Variants in STAB2 observed in about 807,000 individuals in gnomAD.
STAB2 encodes stabilin 2.
A neutral mutation model predicts 338.1 loss-of-function variants in STAB2; 288 were observed. The observed-to-expected ratio is 0.85, with a 90% CI of 0.77 to 0.94. The LOEUF is 0.94. Ranked by LOEUF, STAB2 falls within the 40% of genes least tolerant of loss-of-function variation. The pLI is 0.00. For synonymous variants in STAB2, 1,202 were observed against 1,193.3 expected (o/e 1.01, Z -0.15); for missense variants, 3,141 against 3,210.1 (o/e 0.98, Z 0.52).
Position 103,737,623 on chromosome 12 carries a change from T to TATTTA in STAB2, c.5551-11_5551-10insATTTA. Reference sequence around the variant, plus strand: ...CTCTTTCTCTTTTTTTTTTTTTTTTTTCTTTCTTAGGGTGACCTCTTTCTG... The same window carrying TATTTA: ...CTCTTTCTCTTTTTTTTTTTTTTTTTATTTATCTTTCTTAGGGTGACCTCTTTCTG... On this transcript the variant is annotated splice_polypyrimidine_tract_variant and intron_variant, in intron 52 of 68. Transcript: ENST00000388887. 4 of 1,460,478 alleles carry TATTTA rather than the reference T, an allele frequency of 2.7e-6. No homozygotes were observed. Among genetic ancestry groups the TATTTA allele is most frequent in the Non-Finnish European group, 3.6e-6 (4 of 1,109,562 alleles). 90.5% of individuals were successfully genotyped at this position (1,460,478 alleles called of 1,614,324 possible). A position where few individuals can be genotyped will look rare whatever the true frequency, so the allele number is the denominator to read the frequency against.
At chr12:103,668,838 T>C (rs1400985229) in intron 20 of STAB2, 109 bp downstream of exon 20, 7 of 945,140 alleles carry the variant, frequency 7.4e-6, no homozygotes, top group African/African-American at 3.3e-5. Flanking sequence ...CCGTGCTTGC[T>C]GTTGTCTTCC....
At chr12:103,654,342 C>T (rs1356399870) in intron 12 of STAB2, among the ~76,000 whole-genome samples, 1 of 152,210 alleles carries the variant, frequency 6.6e-6, no homozygotes, top group Non-Finnish European at 1.5e-5. Flanking sequence ...GTTGTCAGTG[C>T]TTTCACACAT....
intron 30 of STAB2, among the ~76,000 whole-genome samples, chr12:103,692,597 C>CTGTG (rs36051361): frequency 1.3e-5 from 2 of 150,828 alleles, no homozygotes; most frequent in Admixed American, 6.6e-5. Context: ...CTCTCTGTCT[C>CTGTG]TGTGTGTGTG....
chr12:103,729,075 A>G, intron 48 of STAB2, 80 bp downstream of exon 48: 1 of 1,401,602 alleles, frequency 7.1e-7, no homozygotes, highest in Non-Finnish European at 1.0e-6. Context: ...GGAGGCCATC[A>G]TCCTCAGCAA....
intron 44 of STAB2, among the ~76,000 whole-genome samples, chr12:103,724,461 C>T (rs1344652504): frequency 6.6e-6 from 1 of 152,140 alleles, no homozygotes; most frequent in African/African-American, 2.4e-5. Context: ...GTGAGTGTCC[C>T]TGCAGTGAGC....
chr12:103,637,973 C>T, intron 7 of STAB2, 43 bp from the exon 8 acceptor site: 2 of 1,579,658 alleles, frequency 1.3e-6, no homozygotes, highest in South Asian at 2.3e-5. Flanking sequence ...CCTTCTCCAT[C>T]CCCGTTAACT....
At chr12:103,611,248 A>C (rs1957117525) in intron 3 of STAB2, among the ~76,000 whole-genome samples, 1 of 151,822 alleles carries the variant, frequency 6.6e-6, no homozygotes, top group African/African-American at 2.4e-5. Context: ...ATCCTTGTTA[A>C]CTTTCTGTCT....
chr12:103,731,901 T>C (rs537829999), intron 50 of STAB2, among the ~76,000 whole-genome samples: 1 of 152,310 alleles, frequency 6.6e-6, no homozygotes, highest in African/African-American at 2.4e-5. Flanking sequence ...AATTGGAATG[T>C]GGCAGTAGTG....
In STAB2 at chr12:103,704,075, A is replaced by G. The variant is rs1190838273; in HGVS notation, c.3844-483A>G. On this transcript the variant is annotated intron_variant, in intron 35 of 68. Coordinates refer to ENST00000388887, the MANE Select transcript of STAB2 (RefSeq NM_017564.10). Reference sequence around the variant, plus strand: ...GTAGGCTTAAGGTTCAGAACTAGACACATTGACCACCTCCTGTTTTAGGGA... The same window carrying G: ...GTAGGCTTAAGGTTCAGAACTAGACGCATTGACCACCTCCTGTTTTAGGGA... Among the ~76,000 whole-genome samples the G allele has an allele frequency of 2.6e-5, 4 of 152,214 alleles. No individual in the cohort carries two copies. In the South Asian group the frequency reaches 8.3e-4, roughly 32 times the overall value.
At chr12:103,653,891 G>A (rs1054509376) in intron 12 of STAB2, among the ~76,000 whole-genome samples, 1 of 148,226 alleles carries the variant, frequency 6.7e-6, no homozygotes, top group Non-Finnish European at 1.5e-5. Context: ...GAGATGCATG[G>A]AGGATGCATG....
chr12:103,641,132 A>G (rs1285078305), intron 9 of STAB2, among the ~76,000 whole-genome samples: 1 of 152,234 alleles, frequency 6.6e-6, no homozygotes, highest in Non-Finnish European at 1.5e-5. Flanking sequence ...GAACCATAGC[A>G]TGATAAAACA....
chr12:103,687,601 C>A (rs996516353), intron 27 of STAB2, among the ~76,000 whole-genome samples: 1 of 152,136 alleles, frequency 6.6e-6, no homozygotes, highest in African/African-American at 2.4e-5. Flanking sequence ...TACTGCATGC[C>A]AGCCTCTAAT....
chr12:103,762,624 G>T (rs2139247901), intron 67 of STAB2, among the ~76,000 whole-genome samples: 1 of 152,320 alleles, frequency 6.6e-6, no homozygotes, highest in Non-Finnish European at 1.5e-5. Context: ...CCTTCTGGCT[G>T]AGACAGGGCT....
intron 24 of STAB2, 34 bp downstream of exon 24, chr12:103,676,055 TTTC>T (rs760005144): frequency 9.5e-5 from 124 of 1,304,188 alleles, no homozygotes; most frequent in South Asian, 3.7e-4. Flanking sequence ...CCCTGCCTGG[TTTC>T]TTTTTTTTTT....
chr12:103,650,910 T>A (rs1019134525), intron 11 of STAB2, among the ~76,000 whole-genome samples: 1 of 152,122 alleles, frequency 6.6e-6, no homozygotes, highest in Admixed American at 6.5e-5. Context: ...TATATCCAGG[T>A]GATAAAGAAG....
chr12:103,613,136 G>A (rs1304733322), intron 3 of STAB2, among the ~76,000 whole-genome samples: 3 of 152,210 alleles, frequency 2.0e-5, no homozygotes, highest in African/African-American at 4.8e-5. Flanking sequence ...TGGGGGTCAG[G>A]GACCCACTTG....
At chr12:103,744,494 TCTCA>T (rs1882849516) in intron 56 of STAB2, among the ~76,000 whole-genome samples, 1 of 141,576 alleles carries the variant, frequency 7.1e-6, no homozygotes, top group African/African-American at 2.7e-5. Context: ...TAAGACAGGG[TCTCA>T]CTCTGTTACC....
chr12:103,709,188 G>T (rs368971796), intron 39 of STAB2, among the ~76,000 whole-genome samples: 1 of 152,086 alleles, frequency 6.6e-6, no homozygotes, highest in Non-Finnish European at 1.5e-5. Context: ...AGGTGAGGGC[G>T]GTCAAAGAGA....
intron 1 of STAB2, among the ~76,000 whole-genome samples, chr12:103,590,667 G>A (rs1956781965): frequency 6.6e-6 from 1 of 152,172 alleles, no homozygotes; most frequent in Admixed American, 6.5e-5. Flanking sequence ...GGTACAAACA[G>A]TGGCTCTTAT....
Sources: gnomAD v4.1 joint callset for allele counts (sites outside exome capture counted in the v4.1 genomes callset) on GRCh38, gnomAD v4.1.1 for gene constraint, MANE v1.5 for transcripts, NCBI Gene and HGNC (gene_info 2026-07-23, HGNC 2026-07-21) for gene names.